The following TNXB variants were observed in gnomAD, a reference collection of about 807,000 sequenced individuals.
The protein encoded by TNXB is tenascin-X.
In TNXB, 183 loss-of-function variants were observed where a neutral mutation model predicts 340.5. The observed-to-expected ratio is 0.54, with a 90% CI of 0.48 to 0.61. The LOEUF is 0.61. TNXB is among the 20% of genes least tolerant of loss of function. The pLI is 0.00. For synonymous variants in TNXB, 2,121 were observed against 2,314.5 expected (o/e 0.92, Z 2.40); for missense variants, 4,613 against 5,446.4 (o/e 0.85, Z 4.82).
chr6:32,106,004 G>A (rs1430329563), intron 1 of TNXB, among the ~76,000 whole-genome samples: 1 of 152,060 alleles, frequency 6.6e-6, no homozygotes, highest in East Asian at 1.9e-4. Context: ...TTGAACAAAA[G>A]CCAGACACAG....
At position 32,062,411 on chromosome 6, in the gene TNXB, C is replaced by G; in HGVS notation, c.6914G>C (p.Arg2305Pro). Residue 2305 changes from arginine (R) to proline (P), a missense_variant, in exon 20 of 44, where the codon CGC becomes CCC. By Grantham distance (103) the Arg-to-Pro change is moderately radical. Coordinates refer to ENST00000644971, the MANE Select transcript of TNXB (RefSeq NM_001365276.2). This position sits in a 1 kb window ranked among gnomAD's most constrained non-coding sequence, Gnocchi z 4.3. ...ATCTGTCACGGTCAGCTCCTCCAGGCGAGGCTTGATGGGGGGTTCAGGGGT... is the reference window on the plus strand; with the variant it reads ...ATCTGTCACGGTCAGCTCCTCCAGGGGAGGCTTGATGGGGGGTTCAGGGGT... ...PPTPEPPIKPRLEELTVTDAT... is the reference protein window; with the variant it reads ...PPTPEPPIKPPLEELTVTDAT... The G allele has an allele frequency of 6.2e-7, 1 of 1,613,056 alleles. No homozygotes were observed. The highest frequency in any genetic ancestry group is 1.7e-5 in the Admixed American group (1 of 60,004).
In TNXB at chr6:32,070,140, G is replaced by A. The variant is rs537783687; in HGVS notation, c.5265C>T (p.Ala1755=). 1.3e-5 allele frequency: 20 copies of A among 1,578,304 alleles called. No homozygotes were observed. Among genetic ancestry groups the A allele is most frequent in the Middle Eastern group, 1.8e-4 (1 of 5,696 alleles). ...AATGCCCCTCACCCGTGGTGCCGTC[G>A]GCAGTGAGAGGGCCATGGCGCTTCT... ...LGKKRHGPLT[A]DGTTEARSAM... is the part of the protein sequence containing the mutation. The change falls in exon 14 of 44, where the codon GCC becomes GCT. Residue 1755 remains alanine, a synonymous_variant. Coordinates refer to ENST00000644971, the MANE Select transcript of TNXB (RefSeq NM_001365276.2). This position sits in a 1 kb window ranked among gnomAD's most constrained non-coding sequence, Gnocchi z 6.0.
In TNXB at chr6:32,068,295, C is replaced by G. The variant is rs1419057647; in HGVS notation, c.6220+95G>C. 6.6e-7 allele frequency: 1 copy of G among 1,504,292 alleles called. No homozygotes were observed. Among genetic ancestry groups the G allele is most frequent in the East Asian group, 2.4e-5 (1 of 41,570 alleles). The allele number at this position is 1,504,292 out of a possible 1,614,324, so 93.2% of individuals were successfully genotyped here. ...GCCACAAGCAGGTCTGTGGTGCTGA[C>G]CAGACCCTTGTCCCATTCCCCACCA... On this transcript the variant is annotated intron_variant, in intron 17 of 43. Coordinates refer to ENST00000644971, the MANE Select transcript of TNXB (RefSeq NM_001365276.2). The surrounding 1 kb of genome is among the most constrained non-coding windows in gnomAD (Gnocchi z 5.3).
chr6:32,068,935 T>C lies in TNXB; in HGVS notation c.5789A>G (p.Asp1930Gly), dbSNP rs376211204. 19 of 1,612,740 alleles carry C rather than the reference T, an allele frequency of 1.2e-5. No individual in the cohort carries two copies. The highest frequency in any genetic ancestry group is 1.5e-5 in the Non-Finnish European group (18 of 1,179,864). Reference protein sequence around the residue: ...GQLQMVRIGGDRNDITLSGLE... With the variant: ...GQLQMVRIGGGRNDITLSGLE... ...GCCAGAGAGGGTGATGTCATTCCGGTCACCTCCTATGCGGACCATTTGGAG... is the reference window on the plus strand; with the variant it reads ...GCCAGAGAGGGTGATGTCATTCCGGCCACCTCCTATGCGGACCATTTGGAG... The change falls in exon 16 of 44, where the codon GAC becomes GGC. Residue 1930 changes from aspartate to glycine, a missense_variant. By Grantham distance (94) the Asp-to-Gly change is moderately conservative (BLOSUM62 -1). Coordinates refer to ENST00000644971, the MANE Select transcript of TNXB (RefSeq NM_001365276.2). The surrounding 1 kb of genome is among the most constrained non-coding windows in gnomAD (Gnocchi z 5.3).
rs779290669 is a variant in TNXB, at chr6:32,046,344, G to A, written c.10437C>T (p.Phe3479=). 4.4e-6 allele frequency: 7 copies of A among 1,605,538 alleles called. No homozygotes were observed. The highest frequency in any genetic ancestry group is 1.7e-5 in the Admixed American group (1 of 59,994). The change falls in exon 31 of 44, where the codon TTC becomes TTT. Residue 3479 remains phenylalanine, a synonymous_variant. Transcript: ENST00000644971. This position sits in a 1 kb window ranked among gnomAD's most constrained non-coding sequence, Gnocchi z 6.9. ...CGTCCGTGTCCCTGTACTGGACCAC[G>A]AAGGAGTCAAAGGGGCCCTGGGCTA... ...WTVAQGPFDS[F]VVQYRDTDGQ... is the part of the protein sequence containing the mutation.
At position 32,058,239 on chromosome 6, in the gene TNXB, G is replaced by A. The variant is rs745673408; in HGVS notation, c.7644C>T (p.Arg2548=). Residue 2548 remains arginine, a synonymous_variant, in exon 22 of 44, where the codon CGC becomes CGT. Coordinates refer to ENST00000644971, the MANE Select transcript of TNXB (RefSeq NM_001365276.2). The surrounding 1 kb of genome is among the most constrained non-coding windows in gnomAD (Gnocchi z 5.1). The part of the protein sequence containing the change: ...LSLSWTVPQG[R]FDSFTVQYKD... ...TGTACTGCACGGTGAAGGAGTCAAA[G>A]CGGCCCTGGGGGACGGTCCAGGAAA... 1.9e-6 allele frequency: 3 copies of A among 1,612,468 alleles called. No homozygotes were observed. In the Admixed American group the frequency reaches 5.0e-5, roughly 27 times the overall value.
rs1166754228 is a variant in TNXB at position 32,062,350 on chromosome 6, A to T, written c.6975T>A (p.Val2325=). 10 of 1,613,538 alleles carry T rather than the reference A, an allele frequency of 6.2e-6. No homozygotes were observed. The highest frequency in any genetic ancestry group is 8.5e-6 in the Non-Finnish European group (10 of 1,179,884). ...GGAAGTGGTCAAACTGTCCCTCGGG[A>T]ACCGTCCAGGACAGGCTGAGGGAGT... ...TPDSLSLSWT[V]PEGQFDHFLV... The change falls in exon 20 of 44, where the codon GTT becomes GTA. Residue 2325 remains valine, a synonymous_variant. Transcript: ENST00000644971. This position sits in a 1 kb window ranked among gnomAD's most constrained non-coding sequence, Gnocchi z 4.3.
In TNXB at chr6:32,058,566, G is replaced by A. The variant is rs945319909; in HGVS notation, c.7493-176C>T. On this transcript the variant is annotated intron_variant, in intron 21 of 43. Transcript: ENST00000644971. This position sits in a 1 kb window ranked among gnomAD's most constrained non-coding sequence, Gnocchi z 5.1. The stretch of plus-strand genomic sequence containing the variant: ...GAATAAGAGCCGGTGAGGTATCCCC[G>A]AGCCCCCGGCCTGTACTGCTGGCAG... 4.6e-5 allele frequency among the ~76,000 whole-genome samples: 7 copies of A among 151,736 alleles called. No homozygotes were observed. Among genetic ancestry groups the A allele is most frequent in the African/African-American group, 1.7e-4 (7 of 41,066 alleles).
At chr6:32,107,071 G>C (rs1392122881) in intron 1 of TNXB, among the ~76,000 whole-genome samples, 1 of 152,212 alleles carries the variant, frequency 6.6e-6, no homozygotes, top group Admixed American at 6.5e-5. Context: ...CTGATTTCTT[G>C]TTGGCTCCGA....
Position 32,061,530 on chromosome 6 carries a change from C to T in TNXB, c.7359G>A (p.Gln2453=), listed in dbSNP as rs755223727. 39 of 1,613,526 alleles carry T rather than the reference C, an allele frequency of 2.4e-5. No homozygotes were observed. The highest frequency in any genetic ancestry group is 3.1e-5 in the Non-Finnish European group (37 of 1,179,890). Residue 2453 remains glutamine, a synonymous_variant, in exon 21 of 44, where the codon CAG becomes CAA. Coordinates refer to ENST00000644971, the MANE Select transcript of TNXB (RefSeq NM_001365276.2). The surrounding 1 kb of genome is among the most constrained non-coding windows in gnomAD (Gnocchi z 4.4). ...VQYKDRDGRP[Q]VVRVGGEESE... Reference sequence around the variant, plus strand: ...TCTCCTCGCCCCCAACACGCACCACCTGGGGCCGCCCGTCCCTGTCCTTGT... The same window carrying T: ...TCTCCTCGCCCCCAACACGCACCACTTGGGGCCGCCCGTCCCTGTCCTTGT...
chr6:32,101,578 C>G (rs988137692), intron 1 of TNXB, among the ~76,000 whole-genome samples: 3 of 150,750 alleles, frequency 2.0e-5, no homozygotes, highest in African/African-American at 7.3e-5. Context: ...CGTGAGCCAC[C>G]GCACCCAGCC....
chr6:32,058,388 G>GGGC lies in TNXB; in HGVS notation c.7493-1_7494dup (p.Ala2498dup). 1 of 1,598,560 alleles carries GGGC rather than the reference G, an allele frequency of 6.3e-7. No individual in the cohort carries two copies. The highest frequency in any genetic ancestry group is 8.5e-7 in the Non-Finnish European group (1 of 1,172,910). On this transcript the variant is annotated inframe_insertion and splice_region_variant, in exon 22 of 44. Transcript: ENST00000644971. The surrounding 1 kb of genome is among the most constrained non-coding windows in gnomAD (Gnocchi z 5.1). ...GGGGTCTCGTCCACATCCTCTTGTG[G>GGGC]GGCTGAAAGGTAATATAGGGGGATA...
chr6:32,066,432 G>A (rs1423724022), intron 18 of TNXB, among the ~76,000 whole-genome samples: 4 of 151,386 alleles, frequency 2.6e-5, no homozygotes, highest in South Asian at 2.1e-4. Flanking sequence ...TCAATCAATA[G>A]CAATGTAGTA....
At position 32,061,449 on chromosome 6, in the gene TNXB, A is replaced by G. The variant is rs204887; in HGVS notation, c.7440T>C (p.Tyr2480=). The part of the protein sequence containing the change: ...EPGRKYKMHL[Y]GLHEGRRVGP... The stretch of plus-strand genomic sequence containing the variant: ...CCACGCGCCGCCCCTCGTGGAGGCC[A>G]TACAGGTGCATCTTGTATTTGCGCC... Residue 2480 remains tyrosine, a synonymous_variant, in exon 21 of 44, where the codon TAT becomes TAC. Transcript: ENST00000644971. The surrounding 1 kb of genome is among the most constrained non-coding windows in gnomAD (Gnocchi z 4.4). 0.68 allele frequency: 1,101,086 copies of G among 1,612,076 alleles called. 379,169 individuals are homozygous for G. The highest frequency in any genetic ancestry group is 0.77 in the South Asian group (70,497 of 91,068).
Position 32,069,921 on chromosome 6 carries a change from G to A in TNXB, c.5279-60C>T, listed in dbSNP as rs1292050229. The A allele has an allele frequency of 5.4e-6, 8 of 1,491,998 alleles. No homozygotes were observed. The highest frequency in any genetic ancestry group is 4.2e-5 in the African/African-American group (3 of 71,998). The allele number at this position is 1,491,998 out of a possible 1,614,324, so 92.4% of individuals were successfully genotyped here. A position where few individuals can be genotyped will look rare whatever the true frequency, so the allele number is the denominator to read the frequency against. On this transcript the variant is annotated intron_variant, in intron 14 of 43. Transcript: ENST00000644971. The surrounding 1 kb of genome is among the most constrained non-coding windows in gnomAD (Gnocchi z 6.2). ...TGTTTCTGGAAGACTGGGTGACCTC[G>A]ACGGGCAGGATTGAGAGGTCTGGAG...
In TNXB at chr6:32,052,790, T is replaced by C. The variant is rs756247558; in HGVS notation, c.8995A>G (p.Arg2999Gly). ...ACGGTGACCTCGCTCTCCTCGCCCCTGACACGCACCACCTGGGGCCGCCCG... is the reference window on the plus strand; with the variant it reads ...ACGGTGACCTCGCTCTCCTCGCCCCCGACACGCACCACCTGGGGCCGCCCG... ...RDGRPQVVRV[R>G]GEESEVTVGG... Residue 2999 changes from arginine to glycine, a missense_variant, in exon 26 of 44, where the codon AGG becomes GGG. This residue lies in a region of TNXB where 4,327 missense variants were observed against 4,859.4 expected (regional missense o/e 0.89). Coordinates refer to ENST00000644971, the MANE Select transcript of TNXB (RefSeq NM_001365276.2). The surrounding 1 kb of genome is among the most constrained non-coding windows in gnomAD (Gnocchi z 4.7). 3.1e-6 allele frequency: 5 copies of C among 1,613,650 alleles called. No individual in the cohort carries two copies. Among genetic ancestry groups the C allele is most frequent in the East Asian group, 2.2e-5 (1 of 44,896 alleles).
intron 1 of TNXB, among the ~76,000 whole-genome samples, chr6:32,100,237 G>C (rs1165433653): frequency 6.6e-6 from 1 of 151,932 alleles, no homozygotes; most frequent in South Asian, 2.1e-4. Flanking sequence ...CCTGAGTAGC[G>C]GGGATTACAG....
Position 32,043,163 on chromosome 6 carries a change from C to T in TNXB, c.11794+12G>A. On this transcript the variant is annotated intron_variant, in intron 37 of 43. Transcript: ENST00000644971. ...CCTCCTCTCCCTGTCCCACACACCCCACAGACCCTACCTGTGGTGAAGGTG... is the reference window on the plus strand; with the variant it reads ...CCTCCTCTCCCTGTCCCACACACCCTACAGACCCTACCTGTGGTGAAGGTG... 4.8e-6 allele frequency: 1 copy of T among 207,460 alleles called. No homozygotes were observed. Among genetic ancestry groups the T allele is most frequent in the South Asian group, 2.7e-5 (1 of 36,532 alleles). 12.9% of individuals were successfully genotyped at this position (207,460 alleles called of 1,614,324 possible). A position where few individuals can be genotyped will look rare whatever the true frequency, so the allele number is the denominator to read the frequency against.
At chr6:32,104,729 T>C (rs1481667817) in intron 1 of TNXB, among the ~76,000 whole-genome samples, 1 of 152,052 alleles carries the variant, frequency 6.6e-6, no homozygotes, top group Non-Finnish European at 1.5e-5. Context: ...TGACCTCCTG[T>C]TGCTCAAGCA....
Sources: allele counts gnomAD v4.1 joint callset (sites outside exome capture counted in the v4.1 genomes callset), GRCh38; gene constraint gnomAD v4.1.1; regional missense constraint gnomAD v4.1.1; non-coding constraint Gnocchi (gnomAD v3.1); transcripts MANE v1.5; gene names NCBI Gene and HGNC (gene_info 2026-07-23, HGNC 2026-07-21).